Variants in TMC1 observed in about 807,000 individuals in gnomAD.
TMC1 encodes transmembrane channel-like protein 1.
Under a neutral mutation model 105.8 loss-of-function variants are expected in TMC1, and 84 were observed. That is an observed-to-expected ratio of 0.79 (90% confidence interval 0.67 to 0.95). The LOEUF is 0.95. Ranked by LOEUF, TMC1 falls within the 40% of genes least tolerant of loss-of-function variation. The probability of loss-of-function intolerance (pLI) is 0.00; values close to 1 mark genes in which losing one functional copy is unlikely to be tolerated. For synonymous variants in TMC1, 315 were observed against 311.5 expected, an observed-to-expected ratio of 1.01 and a Z score of -0.12; for missense variants, 817 against 914.1, an observed-to-expected ratio of 0.89 and a Z score of 1.37.
At chr9:72,701,569 GCCTATTTA>G (rs1564500620) in intron 8 of TMC1, among the ~76,000 whole-genome samples, 2 of 152,038 alleles carry the variant, frequency 1.3e-5, no homozygotes, top group Admixed American at 1.3e-4. Context: ...CCCTTCACAA[GCCTATTTA>G]ACTAGTAATG....
intron 6 of TMC1, among the ~76,000 whole-genome samples, chr9:72,689,008 TAA>T (rs1171024583): frequency 6.6e-6 from 1 of 152,028 alleles, no homozygotes; most frequent in Non-Finnish European, 1.5e-5. Context: ...AAAGACATGT[TAA>T]TAGGAGAAAA....
chr9:72,711,996 G>A (rs887893371), intron 8 of TMC1, among the ~76,000 whole-genome samples: 1 of 152,182 alleles, frequency 6.6e-6, no homozygotes, highest in African/African-American at 2.4e-5. Flanking sequence ...TGGCTAGCCA[G>A]TTTTCCCAAC....
At chr9:72,731,628 G>A (rs1226708501) in intron 8 of TMC1, among the ~76,000 whole-genome samples, 1 of 152,018 alleles carries the variant, frequency 6.6e-6, no homozygotes, top group African/African-American at 2.4e-5. Context: ...TCAATTTCCT[G>A]CTCAAAAATA....
intron 1 of TMC1, among the ~76,000 whole-genome samples, chr9:72,566,988 C>G (rs926184982): frequency 6.6e-6 from 1 of 152,208 alleles, no homozygotes; most frequent in African/African-American, 2.4e-5. Flanking sequence ...TTGCTCTTCT[C>G]TTTGCCCTCA....
chr9:72,821,222 A>G, intron 20 of TMC1, 141 bp downstream of exon 20: 10 of 1,305,690 alleles, frequency 7.7e-6, no homozygotes, highest in Non-Finnish European at 1.1e-5. Flanking sequence ...GGCTGGGCGC[A>G]GTGGCTCATG....
chr9:72,807,259 G>T (rs1828620526), intron 18 of TMC1, among the ~76,000 whole-genome samples: 1 of 152,164 alleles, frequency 6.6e-6, no homozygotes, highest in African/African-American at 2.4e-5. Context: ...GAGGGAGAGG[G>T]AGACCATGGG....
chr9:72,737,023 A>G (rs1344853967), intron 8 of TMC1, among the ~76,000 whole-genome samples: 3 of 152,206 alleles, frequency 2.0e-5, no homozygotes, highest in African/African-American at 7.2e-5. Context: ...TTGGCCTTCA[A>G]AAGGGTGCAG....
chr9:72,680,446 A>G, intron 5 of TMC1, among the ~76,000 whole-genome samples: 1 of 152,054 alleles, frequency 6.6e-6, no homozygotes, highest in East Asian at 1.9e-4. Context: ...AAGTCCTATG[A>G]AGTGTGATTT....
intron 20 of TMC1, among the ~76,000 whole-genome samples, chr9:72,826,505 C>T (rs113046209): frequency 5.3e-5 from 8 of 152,314 alleles, no homozygotes; most frequent in African/African-American, 1.7e-4. Context: ...ATTAAAAATA[C>T]TTAGCTCAAA....
intron 1 of TMC1, among the ~76,000 whole-genome samples, chr9:72,528,901 C>A (rs1441147028): frequency 6.6e-6 from 1 of 151,726 alleles, no homozygotes; most frequent in African/African-American, 2.4e-5. Context: ...CCTTCCATAT[C>A]CATGGGTCAA....
intron 2 of TMC1, among the ~76,000 whole-genome samples, chr9:72,578,543 G>C (rs114964770): frequency 0.014 from 2,169 of 152,250 alleles, 54 homozygotes; most frequent in African/African-American, 0.049. Flanking sequence ...TTTAGTTACA[G>C]ATCTTGGCAA....
chr9:72,794,965 C>A (rs1391186799), intron 17 of TMC1, among the ~76,000 whole-genome samples: 4 of 152,112 alleles, frequency 2.6e-5, no homozygotes, highest in African/African-American at 9.7e-5. Context: ...TAACACAATA[C>A]AGGAATTTCA....
chr9:72,806,167 C>T (rs1298148738), intron 18 of TMC1, among the ~76,000 whole-genome samples: 15 of 146,496 alleles, frequency 1.0e-4, no homozygotes, highest in African/African-American at 2.8e-4. Context: ...GCTGGCCGGG[C>T]GGGGGGCTGA....
chr9:72,698,337 A>G (rs1009532464), intron 7 of TMC1, among the ~76,000 whole-genome samples: 1 of 152,220 alleles, frequency 6.6e-6, no homozygotes, highest in Admixed American at 6.5e-5. Flanking sequence ...ATGATTAAAA[A>G]CTATAAATTG....
At chr9:72,807,762 C>T (rs754164421) in intron 18 of TMC1, among the ~76,000 whole-genome samples, 40 of 152,286 alleles carry the variant, frequency 2.6e-4, no homozygotes, top group Middle Eastern at 3.4e-3. Flanking sequence ...TCGAAAGAGA[C>T]ACACACAAGA....
At chr9:72,820,689 T>C (rs1485929294) in intron 19 of TMC1, among the ~76,000 whole-genome samples, 153 bp from the exon 20 acceptor site, 2 of 152,210 alleles carry the variant, frequency 1.3e-5, no homozygotes, top group Non-Finnish European at 2.9e-5. Flanking sequence ...AATAGATAAG[T>C]GCAGTTTCTT....
rs1446480338 is a variant in TMC1 at position 72,646,806 on chromosome 9, G to A, written c.-52-1791G>A. ...CTGTAGGTGTGCTTGTCCTTTTCTTGTTATAATAAAACAGTTCTTTATTTT... is the reference window on the plus strand; with the variant it reads ...CTGTAGGTGTGCTTGTCCTTTTCTTATTATAATAAAACAGTTCTTTATTTT... On this transcript the variant is annotated intron_variant, in intron 4 of 23. Transcript: ENST00000297784. 5.3e-5 allele frequency among the ~76,000 whole-genome samples: 8 copies of A among 151,760 alleles called. No individual in the cohort carries two copies. In the East Asian group the frequency reaches 1.4e-3, roughly 26 times the overall value.
At chr9:72,578,757 C>T (rs1824429044) in intron 2 of TMC1, among the ~76,000 whole-genome samples, 1 of 152,188 alleles carries the variant, frequency 6.6e-6, no homozygotes, top group Non-Finnish European at 1.5e-5. Flanking sequence ...TAATACATGT[C>T]ATTTTTCATA....
intron 8 of TMC1, 70 bp downstream of exon 8, chr9:72,700,713 CA>C: frequency 6.3e-6 from 2 of 317,598 alleles, no homozygotes; most frequent in Non-Finnish European, 6.1e-6. Flanking sequence ...CTGAATATTC[CA>C]TATATATATA....
Sources: allele counts gnomAD v4.1 joint callset (sites outside exome capture counted in the v4.1 genomes callset), GRCh38; gene constraint gnomAD v4.1.1; transcripts MANE v1.5; gene names NCBI Gene and HGNC (gene_info 2026-07-23, HGNC 2026-07-21).